Variants in KYNU observed in about 807,000 individuals in gnomAD.
KYNU encodes L-kynurenine hydrolase.
In KYNU, 54 loss-of-function variants were observed where a neutral mutation model predicts 59.2. That is an observed-to-expected ratio of 0.91 (90% CI 0.73 to 1.14). The LOEUF (loss-of-function observed/expected upper bound fraction) is 1.14, where lower values mean the gene tolerates loss of function less well. Ranked by LOEUF, KYNU falls within the 50% of genes most tolerant of loss-of-function variation. The probability of loss-of-function intolerance (pLI) is 0.00; values close to 1 mark genes in which losing one functional copy is unlikely to be tolerated. For synonymous variants in KYNU, 177 were observed against 192.0 expected, an observed-to-expected ratio of 0.92 and a Z score of 0.65; for missense variants, 567 against 554.4, an observed-to-expected ratio of 1.02 and a Z score of -0.23.
intron 8 of KYNU, among the ~76,000 whole-genome samples, chr2:142,975,248 C>T (rs772806723): frequency 6.6e-6 from 1 of 152,124 alleles, no homozygotes; most frequent in Non-Finnish European, 1.5e-5. Context: ...AGAGAAGAAG[C>T]ATCTGAACAT....
At position 142,972,543 on chromosome 2, in the gene KYNU, G is replaced by T. The variant is rs1684756341; in HGVS notation, c.729+11773G>T. Among the ~76,000 whole-genome samples the T allele has an allele frequency of 4.6e-5, 7 of 152,048 alleles. No homozygotes were observed. In the South Asian group the frequency reaches 1.5e-3, roughly 32 times the overall value. Reference sequence around the variant, plus strand: ...CAGTTGATGGCCTACTGTGTTTCTGGTACTTGACATGTATTTCCAATTTTC... The same window carrying T: ...CAGTTGATGGCCTACTGTGTTTCTGTTACTTGACATGTATTTCCAATTTTC... On this transcript the variant is annotated intron_variant, in intron 8 of 13. Transcript: ENST00000264170.
intron 8 of KYNU, among the ~76,000 whole-genome samples, chr2:142,977,372 GATAT>G (rs70997538): frequency 2.8e-4 from 37 of 131,214 alleles, no homozygotes; most frequent in African/African-American, 9.2e-4. Context: ...ATTTTGTGTG[GATAT>G]ATATATATAT....
At chr2:142,901,744 C>T (rs886100436) in intron 2 of KYNU, among the ~76,000 whole-genome samples, 1 of 151,982 alleles carries the variant, frequency 6.6e-6, no homozygotes, top group Non-Finnish European at 1.5e-5. Flanking sequence ...TTCTGCCAGC[C>T]GAGAGCTAGT....
intron 7 of KYNU, among the ~76,000 whole-genome samples, chr2:142,958,557 C>T (rs1024388788): frequency 3.3e-5 from 5 of 152,188 alleles, no homozygotes; most frequent in Admixed American, 1.3e-4. Context: ...GTACTCTATT[C>T]ACTTCCATTT....
chr2:142,909,933 TTTTA>T (rs1682422598), intron 2 of KYNU, among the ~76,000 whole-genome samples: 2 of 152,170 alleles, frequency 1.3e-5, no homozygotes, highest in Non-Finnish European at 2.9e-5. Context: ...TGTATAAGTG[TTTTA>T]TTTCTTTGCA....
intron 2 of KYNU, among the ~76,000 whole-genome samples, chr2:142,907,522 G>A (rs188028299): frequency 1.8e-4 from 28 of 152,192 alleles, no homozygotes; most frequent in African/African-American, 6.5e-4. Flanking sequence ...AGTTGTGGAT[G>A]GTGAGCGAAA....
intron 2 of KYNU, among the ~76,000 whole-genome samples, chr2:142,913,649 C>T (rs567368402): frequency 3.3e-5 from 5 of 152,120 alleles, no homozygotes; most frequent in East Asian, 3.9e-4. Context: ...TGTTCACAGA[C>T]GAGAAGAATG....
intron 2 of KYNU, among the ~76,000 whole-genome samples, chr2:142,906,460 G>C (rs149769028): frequency 4.6e-5 from 7 of 152,108 alleles, no homozygotes; most frequent in African/African-American, 1.7e-4. Flanking sequence ...GGTGGAGAAC[G>C]GGTCCCACAT....
intron 8 of KYNU, among the ~76,000 whole-genome samples, chr2:142,980,853 G>A (rs1685032401): frequency 6.6e-6 from 1 of 152,126 alleles, no homozygotes; most frequent in Non-Finnish European, 1.5e-5. Context: ...AGCTACTCAA[G>A]TATAGAGTGT....
At chr2:143,018,100 C>T (rs1319870093) in intron 10 of KYNU, among the ~76,000 whole-genome samples, 1 of 152,120 alleles carries the variant, frequency 6.6e-6, no homozygotes, top group African/African-American at 2.4e-5. Flanking sequence ...TGTATGTTTA[C>T]TCTGTTGATA....
At chr2:142,926,455 A>G (rs1683048149) in intron 3 of KYNU, among the ~76,000 whole-genome samples, 1 of 152,210 alleles carries the variant, frequency 6.6e-6, no homozygotes, top group Non-Finnish European at 1.5e-5. Flanking sequence ...TTTGATCAAT[A>G]GAAGTTTGAT....
intron 10 of KYNU, among the ~76,000 whole-genome samples, chr2:142,993,355 T>C (rs2105175105): frequency 6.6e-6 from 1 of 152,114 alleles, no homozygotes; most frequent in East Asian, 1.9e-4. Context: ...TTCTTTATCT[T>C]TCAACAATAT....
chr2:142,883,027 C>T (rs544547505), intron 1 of KYNU, among the ~76,000 whole-genome samples: 30 of 152,120 alleles, frequency 2.0e-4, no homozygotes, highest in South Asian at 1.5e-3. Flanking sequence ...CCATTCTAAC[C>T]GACATGAGGT....
intron 5 of KYNU, 86 bp downstream of exon 5, chr2:142,954,957 G>A (rs759025960): frequency 1.7e-5 from 14 of 844,894 alleles, no homozygotes; most frequent in Non-Finnish European, 2.8e-5. Flanking sequence ...AGCTTCTGGG[G>A]GTTTACTTAT....
At chr2:142,921,809 AATACATACATACATAC>A (rs11274854) in intron 3 of KYNU, among the ~76,000 whole-genome samples, 24,575 of 147,914 alleles carry the variant, frequency 0.17, 2,997 homozygotes, top group African/African-American at 0.33. Context: ...CATGTCTTTA[AATACATACATACATAC>A]ATACATACAT....
chr2:143,024,701 A>G lies in KYNU; in HGVS notation c.903-4926A>G, dbSNP rs139635459. ...ATCCTTAAAATCCAATAATTTTAATAGGCAGTAACCAAAATTGACCATTCT... is the reference window on the plus strand; with the variant it reads ...ATCCTTAAAATCCAATAATTTTAATGGGCAGTAACCAAAATTGACCATTCT... On this transcript the variant is annotated intron_variant, in intron 10 of 13. Transcript: ENST00000264170. 2.0e-5 allele frequency among the ~76,000 whole-genome samples: 3 copies of G among 152,236 alleles called. No individual in the cohort carries two copies. In the East Asian group the frequency reaches 5.8e-4, roughly 29 times the overall value.
At chr2:142,937,520 A>G (rs924872051) in intron 4 of KYNU, among the ~76,000 whole-genome samples, 9 of 152,208 alleles carry the variant, frequency 5.9e-5, no homozygotes, top group Non-Finnish European at 1.5e-5. Flanking sequence ...AACTAAATTT[A>G]ACGGAGTTTA....
At chr2:142,975,801 A>C (rs1684863993) in intron 8 of KYNU, among the ~76,000 whole-genome samples, 1 of 152,212 alleles carries the variant, frequency 6.6e-6, no homozygotes, top group African/African-American at 2.4e-5. Flanking sequence ...TTATCCTTGG[A>C]TCCATACCAG....
chr2:142,944,637 G>A (rs554622104), intron 4 of KYNU, among the ~76,000 whole-genome samples: 2 of 151,966 alleles, frequency 1.3e-5, no homozygotes, highest in East Asian at 3.9e-4. Context: ...GTAAAGGAAT[G>A]AAGAAAAACA....
Sources: gnomAD v4.1 joint callset for allele counts (sites outside exome capture counted in the v4.1 genomes callset) on GRCh38, gnomAD v4.1.1 for gene constraint, MANE v1.5 for transcripts, NCBI Gene and HGNC (gene_info 2026-07-23, HGNC 2026-07-21) for gene names.